The following TRPV3 variants were observed in gnomAD, a reference collection of about 807,000 sequenced individuals.
The protein encoded by TRPV3 is VRL-3.
A neutral mutation model predicts 87.1 loss-of-function variants in TRPV3; 88 were observed. That is an observed-to-expected ratio of 1.01 (90% CI 0.85 to 1.21). The LOEUF (loss-of-function observed/expected upper bound fraction) is 1.21. TRPV3 is among the 50% of genes most tolerant of loss of function. The probability of loss-of-function intolerance (pLI) is 0.00; values close to 1 mark genes in which losing one functional copy is unlikely to be tolerated. For synonymous variants in TRPV3, 438 were observed against 423.3 expected, an observed-to-expected ratio of 1.03 and a Z score of -0.43; for missense variants, 1,054 against 1,030.1, an observed-to-expected ratio of 1.02 and a Z score of -0.32.
At chr17:3,522,684 G>A (rs191127507) in intron 13 of TRPV3, among the ~76,000 whole-genome samples, 2 of 151,866 alleles carry the variant, frequency 1.3e-5, no homozygotes, top group Admixed American at 6.6e-5. Context: ...GCTGGGCATG[G>A]TGCATGCCTG....
At chr17:3,525,212 G>A (rs1459723428) in intron 12 of TRPV3, among the ~76,000 whole-genome samples, 3 of 152,144 alleles carry the variant, frequency 2.0e-5, no homozygotes, top group Admixed American at 6.5e-5. Flanking sequence ...TAGAGATGGG[G>A]TTTCACCATG....
chr17:3,547,103 C>T (rs2074534424), intron 2 of TRPV3, among the ~76,000 whole-genome samples: 1 of 152,190 alleles, frequency 6.6e-6, no homozygotes, highest in East Asian at 1.9e-4. Context: ...CAAAGGACAC[C>T]TCAAGGATGG....
chr17:3,542,961 C>T lies in TRPV3; in HGVS notation c.467-263G>A, dbSNP rs76436096. Among the ~76,000 whole-genome samples the T allele has an allele frequency of 4.3e-3, 655 of 152,118 alleles. 13 individuals are homozygous for T. The East Asian group carries it at 0.061, about 14-fold the overall frequency. Reference sequence around the variant, plus strand: ...CCACTGTATGGCTTCCCGCTGTCCACCCCCCTGCTGCCACCCTGGAATCTG... The same window carrying T: ...CCACTGTATGGCTTCCCGCTGTCCATCCCCCTGCTGCCACCCTGGAATCTG... On this transcript the variant is annotated intron_variant, in intron 5 of 17. Coordinates refer to ENST00000576742, the MANE Select transcript of TRPV3 (RefSeq NM_145068.4).
In TRPV3 at chr17:3,539,389, C is replaced by T. The variant is rs114223842; in HGVS notation, c.643+3133G>A. 3.0e-3 allele frequency among the ~76,000 whole-genome samples: 462 copies of T among 152,078 alleles called. 2 individuals carry two copies. The highest frequency in any genetic ancestry group is 0.01 in the African/African-American group (434 of 41,478). On this transcript the variant is annotated intron_variant, in intron 6 of 17. Coordinates refer to ENST00000576742, the MANE Select transcript of TRPV3 (RefSeq NM_145068.4). ...TGTTGTTAGGCTGGGTGCGGTGGCT[C>T]ACGCCTATAATCCCATCATTGAGAG...
chr17:3,550,634 C>T (rs796735064), intron 2 of TRPV3, among the ~76,000 whole-genome samples: 1 of 148,382 alleles, frequency 6.7e-6, no homozygotes, highest in Non-Finnish European at 1.5e-5. Context: ...ATGCCATTCT[C>T]CTGCCTCAGC....
chr17:3,532,911 A>T lies in TRPV3; in HGVS notation c.811T>A (p.Cys271Ser). The T allele has an allele frequency of 1.2e-6, 2 of 1,614,138 alleles. No homozygotes were observed. ...FGETPLALAA[C>S]TNQPEIVQLL... ...TGCACAATCTCGGGCTGGTTGGTGC[A>T]TGCTGCCAGGGCCAGGGGCGTCTCA... The change falls in exon 8 of 18, where the codon TGC (cysteine) becomes AGC (serine). Residue 271 changes from cysteine to serine, a missense_variant. By Grantham distance (112) the Cys-to-Ser change is moderately radical (BLOSUM62 -1). Transcript: ENST00000576742.
intron 12 of TRPV3, among the ~76,000 whole-genome samples, chr17:3,525,351 G>T (rs942647627): frequency 6.6e-6 from 1 of 152,128 alleles, no homozygotes; most frequent in Non-Finnish European, 1.5e-5. Flanking sequence ...TGTATGCTAA[G>T]TGAAATAAGA....
In TRPV3 at chr17:3,545,192, G is replaced by A. The variant is rs1380626483; in HGVS notation, c.199C>T (p.Pro67Ser). ...CACTGCCGGATGTTGGAATCCATGG[G>A]CTTGGAGAAGACAGGAGGAGAGGTC... ...AKTSPPVFSK[P>S]MDSNIRQCIS... The change falls in exon 3 of 18, where the codon CCC becomes TCC. Residue 67 changes from proline to serine, a missense_variant. Physicochemically the swap from Pro to Ser is moderately conservative, Grantham distance 74. Coordinates refer to ENST00000576742, the MANE Select transcript of TRPV3 (RefSeq NM_145068.4). 4 of 1,613,948 alleles carry A rather than the reference G, an allele frequency of 2.5e-6. No homozygotes were observed. Among genetic ancestry groups the A allele is most frequent in the Non-Finnish European group, 3.4e-6 (4 of 1,179,882 alleles).
intron 2 of TRPV3, among the ~76,000 whole-genome samples, chr17:3,546,051 G>A (rs933359429): frequency 5.9e-5 from 9 of 151,630 alleles, no homozygotes; most frequent in South Asian, 2.1e-4. Flanking sequence ...GTGAGGCTTC[G>A]ATTCTGCTTA....
At chr17:3,531,594 C>G (rs1262597494) in intron 8 of TRPV3, among the ~76,000 whole-genome samples, 1 of 152,166 alleles carries the variant, frequency 6.6e-6, no homozygotes, top group Non-Finnish European at 1.5e-5. Context: ...GGACCATGCT[C>G]CATGCAGGAA....
chr17:3,544,522 C>T, intron 4 of TRPV3, 57 bp downstream of exon 4: 1 of 1,164,608 alleles, frequency 8.6e-7, no homozygotes, highest in Non-Finnish European at 1.2e-6. Context: ...GATCCTGTCT[C>T]TCTGGCACCC....
chr17:3,524,066 T>G (rs968845606), intron 13 of TRPV3, 132 bp downstream of exon 13: 1 of 1,197,078 alleles, frequency 8.4e-7, no homozygotes, highest in African/African-American at 1.5e-5. Context: ...GCAAAGGGAG[T>G]GCATGGCATT....
At chr17:3,527,757 G>C in intron 11 of TRPV3, 2 of 492,160 alleles carry the variant, frequency 4.1e-6, no homozygotes, top group South Asian at 4.2e-5. Context: ...GGGTGGATGG[G>C]GGTGGAAGAG....
intron 6 of TRPV3, among the ~76,000 whole-genome samples, chr17:3,536,443 C>G (rs1027268147): frequency 1.6e-4 from 25 of 152,080 alleles, no homozygotes; most frequent in Non-Finnish European, 3.5e-4. Flanking sequence ...ACAAAATTAG[C>G]CGGCCGTGGG....
chr17:3,536,591 A>AAAAC (rs975479924), intron 6 of TRPV3, among the ~76,000 whole-genome samples: 3 of 152,104 alleles, frequency 2.0e-5, no homozygotes, highest in African/African-American at 4.8e-5. Context: ...TCCATCTCAA[A>AAAAC]AAACAAACAA....
chr17:3,531,123 C>T (rs916927357), intron 8 of TRPV3, among the ~76,000 whole-genome samples: 7 of 151,998 alleles, frequency 4.6e-5, no homozygotes, highest in Non-Finnish European at 8.8e-5. Flanking sequence ...CTGATGAAAT[C>T]GAAATATCCA....
At chr17:3,539,764 A>C (rs2074442284) in intron 6 of TRPV3, 1 of 152,146 alleles carries the variant, frequency 6.6e-6, no homozygotes, top group Non-Finnish European at 1.5e-5. Flanking sequence ...TTCATGTTTA[A>C]AATTTTTATA....
intron 4 of TRPV3, among the ~76,000 whole-genome samples, 157 bp from the exon 5 acceptor site, chr17:3,543,785 A>G (rs2074492123): frequency 6.6e-6 from 1 of 152,222 alleles, no homozygotes; most frequent in Admixed American, 6.5e-5. Flanking sequence ...GTGTGGACCC[A>G]TCAGGCTCCC....
chr17:3,526,782 G>T, intron 12 of TRPV3, 72 bp downstream of exon 12: 2 of 1,227,628 alleles, frequency 1.6e-6, no homozygotes, highest in Non-Finnish European at 2.4e-6. Context: ...TTCAAGAGGC[G>T]GACACGGCAG....
Sources: allele counts gnomAD v4.1 joint callset (sites outside exome capture counted in the v4.1 genomes callset), GRCh38; gene constraint gnomAD v4.1.1; transcripts MANE v1.5; gene names NCBI Gene and HGNC (gene_info 2026-07-23, HGNC 2026-07-21).